Variants in ZNF682 observed in about 807,000 individuals in gnomAD.
ZNF682 encodes the protein zinc finger protein 682.
Under a neutral mutation model 36.5 loss-of-function variants are expected in ZNF682, and 29 were observed. That is an observed-to-expected ratio of 0.80 (90% CI 0.59 to 1.08). The LOEUF (loss-of-function observed/expected upper bound fraction) is 1.08, where lower values mean the gene tolerates loss of function less well. Among genes scored for constraint, ZNF682 ranks in the 50% least tolerant of loss-of-function variants. The pLI is 0.00. For missense variants in ZNF682, 561 were observed against 579.7 expected (o/e 0.97, Z 0.33); for synonymous variants, 180 against 197.0 (o/e 0.91, Z 0.72).
At chr19:20,002,956 T>C (rs916267088), downstream of ZNF682, among the ~76,000 whole-genome samples, 5 of 152,036 alleles carry the variant, frequency 3.3e-5, no homozygotes, top group Admixed American at 2.0e-4. Flanking sequence ...TTTGGGAGGC[T>C]GAGGCGGGCG....
chr19:20,001,237 C>T (rs1020744332), downstream of ZNF682, among the ~76,000 whole-genome samples: 1 of 152,192 alleles, frequency 6.6e-6, no homozygotes, highest in Non-Finnish European at 1.5e-5. Flanking sequence ...TAACTCCCCA[C>T]CCCAGGCATC....
In ZNF682 at chr19:20,036,803, TAAAAAAAAAAGAAAAAAA is replaced by T. The variant is rs781527506; in HGVS notation, c.3+2522_3+2539del. ...GGAACATGGTGAGATGCTGTCTCTA[TAAAAAAAAAAGAAAAAAA>T]AAAAAAAAAAAAAATTAGCTAGGCA... On this transcript the variant is annotated intron_variant, in intron 1 of 3. Transcript: ENST00000397165. 5.1e-4 allele frequency among the ~76,000 whole-genome samples: 15 copies of T among 29,558 alleles called. No individual in the cohort carries two copies. The South Asian group carries it at 5.4e-3, about 11-fold the overall frequency. The allele number at this position is 29,558 out of a possible 152,430, so 19.4% of individuals were successfully genotyped here.
downstream of ZNF682, among the ~76,000 whole-genome samples, chr19:20,001,892 T>C (rs1412191058): frequency 6.6e-6 from 1 of 152,266 alleles, no homozygotes; most frequent in African/African-American, 2.4e-5. Context: ...ACATTCACAA[T>C]CTGAAGCAAT....
Position 20,016,336 on chromosome 19 carries a change from G to A in ZNF682, c.226+6668C>T, listed in dbSNP as rs775880602. Among the ~76,000 whole-genome samples, 5 of 152,044 alleles carry A rather than the reference G, an allele frequency of 3.3e-5. No homozygotes were observed. In the South Asian group the frequency reaches 6.2e-4, roughly 19 times the overall value. On this transcript the variant is annotated intron_variant, in intron 3 of 3. Coordinates refer to ENST00000397165, the MANE Select transcript of ZNF682 (RefSeq NM_033196.3). ...CTTTAAAGGAATAAAATGATTCTTC[G>A]GAAATCAATTTTTGAGAAATGAAGA... is the stretch of plus-strand genomic sequence containing the variant.
intron 1 of ZNF682, among the ~76,000 whole-genome samples, chr19:20,025,686 G>GAAAAAAAAAAAAAAAAAAAAAAA (rs77612304): frequency 8.6e-6 from 1 of 115,764 alleles, no homozygotes; most frequent in Non-Finnish European, 1.9e-5. Context: ...CAAAAAAAAA[G>GAAAAAAAAAAAAAAAAAAAAAAA]AAAAAAAAAA....
At position 20,036,814 on chromosome 19, in the gene ZNF682, G is replaced by GAAAA. The variant is rs869238931; in HGVS notation, c.3+2525_3+2528dup. ...AGATGCTGTCTCTATAAAAAAAAAAGAAAAAAAAAAAAAAAAAAAAATTAG... is the reference window on the plus strand; with the variant it reads ...AGATGCTGTCTCTATAAAAAAAAAAGAAAAAAAAAAAAAAAAAAAAAAAAATTAG... On this transcript the variant is annotated intron_variant, in intron 1 of 3. Coordinates refer to ENST00000397165, the MANE Select transcript of ZNF682 (RefSeq NM_033196.3). 4.3e-3 allele frequency among the ~76,000 whole-genome samples: 86 copies of GAAAA among 19,892 alleles called. 1 individual carries two copies. The highest frequency in any genetic ancestry group is 0.012 in the African/African-American group (84 of 6,984). 13.0% of individuals were successfully genotyped at this position (19,892 alleles called of 152,430 possible).
rs1032942667 is a variant in ZNF682, at chr19:20,005,752, A to G, written c.*253T>C. On this transcript the variant is annotated 3_prime_UTR_variant, in exon 4 of 4. Transcript: ENST00000397165. ...CACTTACATTGCTTTTATCTAGCAC[A>G]AAACCTCTGATGAGTAAGTTCATAG... The G allele has an allele frequency of 5.3e-5, 25 of 469,802 alleles. No homozygotes were observed. The highest frequency in any genetic ancestry group is 4.1e-4 in the African/African-American group (21 of 51,526). The allele number at this position is 469,802 out of a possible 1,614,324, so 29.1% of individuals were successfully genotyped here.
downstream of ZNF682, among the ~76,000 whole-genome samples, chr19:20,000,584 T>G (rs4141048): frequency 0.051 from 7,737 of 152,218 alleles, 395 homozygotes; most frequent in East Asian, 0.2. Flanking sequence ...TTGAAACTCT[T>G]GTGGGTCTGT....
At chr19:20,010,801 AT>A (rs2088279088) in intron 3 of ZNF682, among the ~76,000 whole-genome samples, 2 of 151,814 alleles carry the variant, frequency 1.3e-5, no homozygotes, top group African/African-American at 4.8e-5. Context: ...CCTGTCTCTA[AT>A]AAAAATACAA....
intron 3 of ZNF682, among the ~76,000 whole-genome samples, chr19:20,017,113 T>G (rs2088340829): frequency 6.6e-6 from 1 of 151,888 alleles, no homozygotes; most frequent in Non-Finnish European, 1.5e-5. Flanking sequence ...ACTACAAAAT[T>G]AACAAAACAA....
intron 1 of ZNF682, among the ~76,000 whole-genome samples, chr19:20,038,613 T>TAAA (rs58388624): frequency 0.48 from 70,129 of 144,740 alleles, 17,491 homozygotes; most frequent in Middle Eastern, 0.6. Flanking sequence ...GTTCCTACAT[T>TAAA]AAAAAAAAAA....
At chr19:20,009,343 C>CA in intron 3 of ZNF682, among the ~76,000 whole-genome samples, 1 of 151,806 alleles carries the variant, frequency 6.6e-6, no homozygotes, top group Non-Finnish European at 1.5e-5. Context: ...GAATTCACTA[C>CA]AAAAAAACAA....
At chr19:20,000,839 AATGAGGAGCTGTTTG>A (rs1263533484), downstream of ZNF682, among the ~76,000 whole-genome samples, 4 of 152,278 alleles carry the variant, frequency 2.6e-5, no homozygotes, top group Admixed American at 1.3e-4. Flanking sequence ...CATTCAGATT[AATGAGGAGCTGTTTG>A]ATGAGTCTAA....
intron 1 of ZNF682, among the ~76,000 whole-genome samples, chr19:20,029,822 TA>T (rs58158506): frequency 0.78 from 117,824 of 150,542 alleles, 46,158 homozygotes; most frequent in Middle Eastern, 0.87. Context: ...TGGTTTTAAT[TA>T]AAAAAAAAAA....
rs2088210217 is a variant in ZNF682, at chr19:20,005,872, C to T, written c.*133G>A. ...ATAAGCTGTCAGCAATGGTTGAAGA[C>T]TTTCCCCACATTCTTCACATTTGTA... On this transcript the variant is annotated 3_prime_UTR_variant, in exon 4 of 4. Transcript: ENST00000397165. 1.1e-6 allele frequency: 1 copy of T among 913,434 alleles called. No homozygotes were observed. The highest frequency in any genetic ancestry group is 1.6e-6 in the Non-Finnish European group (1 of 616,578). 56.6% of individuals were successfully genotyped at this position (913,434 alleles called of 1,614,324 possible).
chr19:20,027,057 G>A (rs2088438179), intron 1 of ZNF682, among the ~76,000 whole-genome samples: 1 of 152,164 alleles, frequency 6.6e-6, no homozygotes, highest in African/African-American at 2.4e-5. Context: ...CATCACCCCT[G>A]AGCTGGGACA....
chr19:20,018,703 A>C (rs1458674094), intron 3 of ZNF682, among the ~76,000 whole-genome samples: 2 of 152,208 alleles, frequency 1.3e-5, no homozygotes, highest in Admixed American at 1.3e-4. Flanking sequence ...CCCTTCCGTT[A>C]CATGCACCAT....
At chr19:20,014,861 A>G (rs939322691) in intron 3 of ZNF682, among the ~76,000 whole-genome samples, 6 of 152,138 alleles carry the variant, frequency 3.9e-5, no homozygotes, top group Non-Finnish European at 8.8e-5. Flanking sequence ...AAAATAAGCC[A>G]GCCATAAAAA....
At position 20,006,915 on chromosome 19, in the gene ZNF682, G is replaced by C. The variant is rs754986500; in HGVS notation, c.587C>G (p.Thr196Ser). 17 of 1,613,852 alleles carry C rather than the reference G, an allele frequency of 1.1e-5. No individual in the cohort carries two copies. Among genetic ancestry groups the C allele is most frequent in the African/African-American group, 1.3e-5 (1 of 74,940 alleles). Residue 196 changes from threonine (T) to serine (S), a missense_variant, in exon 4 of 4, where the codon ACT becomes AGT. Thr to Ser is a moderately conservative substitution (Grantham distance 58). Coordinates refer to ENST00000397165, the MANE Select transcript of ZNF682 (RefSeq NM_033196.3). ...SGLSYHKIIHTEEKLCICEEC... is the reference protein window; with the variant it reads ...SGLSYHKIIHSEEKLCICEEC... Reference sequence around the variant, plus strand: ...CTCACATATGCAGAGTTTCTCTTCAGTGTGAATTATCTTATGATAAGAAAG... The same window carrying C: ...CTCACATATGCAGAGTTTCTCTTCACTGTGAATTATCTTATGATAAGAAAG...
Sources: allele counts gnomAD v4.1 joint callset (sites outside exome capture counted in the v4.1 genomes callset), GRCh38; gene constraint gnomAD v4.1.1; transcripts MANE v1.5; gene names NCBI Gene and HGNC (gene_info 2026-07-23, HGNC 2026-07-21).